The following SLC30A8 variants were observed in gnomAD, a reference collection of about 807,000 sequenced individuals.
The protein encoded by SLC30A8 is proton-coupled zinc antiporter SLC30A8.
SLC30A8 carries 27 observed loss-of-function variants against 36.9 expected under a neutral mutation model. That is an observed-to-expected ratio of 0.73 (90% CI 0.54 to 1.01). SLC30A8 has a LOEUF of 1.01. SLC30A8 is among the 50% of genes least tolerant of loss of function. The pLI, the probability that SLC30A8 is intolerant of heterozygous loss-of-function variation, is 0.00. For synonymous variants in SLC30A8, 164 were observed against 172.4 expected, an observed-to-expected ratio of 0.95 and a Z score of 0.38; for missense variants, 439 against 452.0, an observed-to-expected ratio of 0.97 and a Z score of 0.26.
chr8:117,163,372 T>C, intron 5 of SLC30A8, 53 bp from the exon 6 acceptor site: 1 of 1,362,078 alleles, frequency 7.3e-7, no homozygotes, highest in Non-Finnish European at 1.0e-6. Flanking sequence ...AATCAGACTT[T>C]CTGAAAGAGA....
rs76534995 is a variant in SLC30A8, at chr8:117,102,109, T to C, written c.-225-33171T>C. Among the ~76,000 whole-genome samples, 562 of 152,252 alleles carry C rather than the reference T, an allele frequency of 3.7e-3. 9 individuals are homozygous for C. In the East Asian group the frequency reaches 0.063, roughly 17 times the overall value. ...CGGTTTTTTTAAAAAATCATATTGA[T>C]GTTTTTGAAAACACTCTTCTAATCT... On this transcript the variant is annotated intron_variant, in intron 2 of 10. Coordinates refer to the SLC30A8 transcript ENST00000427715.
Position 117,135,292 on chromosome 8 carries a change from C to T in SLC30A8, c.-36C>T, listed in dbSNP as rs772522131. On this transcript the variant is annotated 5_prime_UTR_variant, in exon 1 of 8. Transcript: ENST00000456015. The stretch of plus-strand genomic sequence containing the variant: ...CAAAACTGGGCAGTGAGTTCAACAA[C>T]AACGACAACAACAGCCGCAGCTCAT... 1 of 1,538,718 alleles carries T rather than the reference C, an allele frequency of 6.5e-7. No individual in the cohort carries two copies. Among genetic ancestry groups the T allele is most frequent in the Non-Finnish European group, 8.9e-7 (1 of 1,129,380 alleles).
chr8:117,015,728 C>G (rs1300794637), intron 1 of SLC30A8, among the ~76,000 whole-genome samples: 1 of 152,100 alleles, frequency 6.6e-6, no homozygotes, highest in African/African-American at 2.4e-5. Flanking sequence ...CACTTTGTGA[C>G]ACAGGCCTAA....
intron 2 of SLC30A8, among the ~76,000 whole-genome samples, chr8:117,126,801 G>A (rs1459968812): frequency 1.3e-5 from 2 of 152,024 alleles, no homozygotes; most frequent in Non-Finnish European, 2.9e-5. Flanking sequence ...GCACAGTGTG[G>A]AAAGGAAAAA....
intron 2 of SLC30A8, among the ~76,000 whole-genome samples, chr8:117,061,161 T>C (rs1818015933): frequency 6.6e-6 from 1 of 152,262 alleles, no homozygotes; most frequent in Non-Finnish European, 1.5e-5. Context: ...TTTCCATAAT[T>C]GAAGTCCTTT....
At chr8:117,158,755 C>G (rs1822630363) in intron 4 of SLC30A8, among the ~76,000 whole-genome samples, 2 of 151,318 alleles carry the variant, frequency 1.3e-5, no homozygotes, top group African/African-American at 4.9e-5. Context: ...TAATTCTGGG[C>G]AACTCTACTT....
upstream of SLC30A8, chr8:116,950,227 C>T (rs1813943876): frequency 1.2e-5 from 2 of 161,156 alleles, no homozygotes; most frequent in South Asian, 1.9e-4. Context: ...ATGCCCAGAG[C>T]GGACGCCGAG....
At chr8:116,994,681 G>A (rs907272981) in intron 1 of SLC30A8, among the ~76,000 whole-genome samples, 1 of 152,122 alleles carries the variant, frequency 6.6e-6, no homozygotes, top group African/African-American at 2.4e-5. Context: ...GATTCAGGAA[G>A]TGGTTACACA....
At chr8:117,120,802 G>T (rs1202211393) in intron 2 of SLC30A8, among the ~76,000 whole-genome samples, 1 of 151,470 alleles carries the variant, frequency 6.6e-6, no homozygotes, top group African/African-American at 2.4e-5. Context: ...AAATAACCTG[G>T]TTTAAAAAAG....
intron 1 of SLC30A8, among the ~76,000 whole-genome samples, chr8:117,000,870 G>A (rs1222169547): frequency 2.0e-5 from 3 of 152,106 alleles, no homozygotes; most frequent in East Asian, 3.9e-4. Flanking sequence ...ATGATAATGG[G>A]CACATTGTGA....
At chr8:116,952,901 G>T (rs1181940218) in intron 1 of SLC30A8, among the ~76,000 whole-genome samples, 7 of 150,394 alleles carry the variant, frequency 4.7e-5, no homozygotes, top group African/African-American at 1.7e-4. Context: ...GATTCAGGGG[G>T]TATATGTGCA....
At chr8:116,989,404 T>A (rs1252390217) in intron 1 of SLC30A8, among the ~76,000 whole-genome samples, 1 of 152,224 alleles carries the variant, frequency 6.6e-6, no homozygotes, top group Non-Finnish European at 1.5e-5. Context: ...AAAACATGTC[T>A]GAAGCTGTTG....
intron 3 of SLC30A8, among the ~76,000 whole-genome samples, chr8:117,155,716 C>G (rs1385171844): frequency 3.3e-5 from 5 of 152,178 alleles, no homozygotes; most frequent in Non-Finnish European, 7.3e-5. Flanking sequence ...TTTATTGTCT[C>G]ACAGTTATGA....
chr8:116,957,245 T>G (rs1221384068), intron 1 of SLC30A8, among the ~76,000 whole-genome samples: 1 of 152,152 alleles, frequency 6.6e-6, no homozygotes, highest in Non-Finnish European at 1.5e-5. Context: ...AAAGGGCTAT[T>G]ATGGGCAGCA....
intron 1 of SLC30A8, among the ~76,000 whole-genome samples, chr8:116,979,479 C>T (rs564891686): frequency 1.3e-5 from 2 of 152,208 alleles, no homozygotes; most frequent in South Asian, 4.1e-4. Flanking sequence ...TTAGATAGGA[C>T]CGGAGATTAG....
chr8:116,977,146 T>C (rs1815065826), intron 1 of SLC30A8, among the ~76,000 whole-genome samples: 2 of 111,228 alleles, frequency 1.8e-5, no homozygotes, highest in East Asian at 2.7e-4. Context: ...TCTTGCTTTT[T>C]TTTTTTTTTT....
intron 1 of SLC30A8, among the ~76,000 whole-genome samples, chr8:116,982,423 A>C (rs993716402): frequency 1.2e-4 from 18 of 152,220 alleles, no homozygotes; most frequent in African/African-American, 4.3e-4. Context: ...TGGAAACAAC[A>C]GTGATATTCC....
chr8:117,027,170 G>T (rs781262715), intron 1 of SLC30A8, among the ~76,000 whole-genome samples: 3 of 152,126 alleles, frequency 2.0e-5, no homozygotes, highest in African/African-American at 7.2e-5. Context: ...AACTGAAAGG[G>T]CATGTGTTTG....
At chr8:117,095,590 A>G (rs960312647) in intron 2 of SLC30A8, among the ~76,000 whole-genome samples, 4 of 152,246 alleles carry the variant, frequency 2.6e-5, no homozygotes, top group African/African-American at 9.6e-5. Flanking sequence ...TGAATTAAAC[A>G]AAAAGCAACA....
Sources: gnomAD v4.1 joint callset for allele counts (sites outside exome capture counted in the v4.1 genomes callset) on GRCh38, gnomAD v4.1.1 for gene constraint, MANE v1.5 for transcripts, NCBI Gene and HGNC (gene_info 2026-07-23, HGNC 2026-07-21) for gene names.